The following PPP1R9A variants were observed in gnomAD, a reference collection of about 807,000 sequenced individuals.
PPP1R9A encodes the protein neurabin-1.
A neutral mutation model predicts 141.9 loss-of-function variants in PPP1R9A; 59 were observed. The ratio of observed to expected loss-of-function variants is 0.42; its 90% confidence interval spans 0.34 to 0.52. PPP1R9A has a LOEUF of 0.52. Among genes scored for constraint, PPP1R9A ranks in the 20% least tolerant of loss-of-function variants. The pLI, the probability that PPP1R9A is intolerant of heterozygous loss-of-function variation, is 0.10. For missense variants in PPP1R9A, 1,444 were observed against 1,611.9 expected, an observed-to-expected ratio of 0.90 and a Z score of 1.78; for synonymous variants, 500 against 569.7, an observed-to-expected ratio of 0.88 and a Z score of 1.74.
chr7:95,193,497 A>G (rs1374785170), intron 5 of PPP1R9A, among the ~76,000 whole-genome samples: 1 of 152,006 alleles, frequency 6.6e-6, no homozygotes, highest in Non-Finnish European at 1.5e-5. Context: ...TTAAAATGCA[A>G]CTTTCTTATG....
At chr7:95,012,064 G>A (rs1804500415) in intron 2 of PPP1R9A, among the ~76,000 whole-genome samples, 1 of 152,138 alleles carries the variant, frequency 6.6e-6, no homozygotes, top group Non-Finnish European at 1.5e-5. Flanking sequence ...GACTATAGCA[G>A]TTAATAGTTT....
At chr7:94,931,806 G>A (rs937021876) in intron 2 of PPP1R9A, among the ~76,000 whole-genome samples, 3 of 152,158 alleles carry the variant, frequency 2.0e-5, no homozygotes, top group Admixed American at 6.5e-5. Context: ...TCGAACTGCC[G>A]ACCTCAGGTC....
chr7:95,063,587 A>G (rs1357689857), intron 2 of PPP1R9A, among the ~76,000 whole-genome samples: 3 of 152,180 alleles, frequency 2.0e-5, no homozygotes, highest in African/African-American at 7.2e-5. Context: ...AATAAAATAA[A>G]GGTGCATCTT....
At chr7:95,044,349 G>A (rs1809684113) in intron 2 of PPP1R9A, among the ~76,000 whole-genome samples, 1 of 152,014 alleles carries the variant, frequency 6.6e-6, no homozygotes, top group Non-Finnish European at 1.5e-5. Context: ...TCTGCTTTAT[G>A]TAAGTAATTG....
intron 2 of PPP1R9A, among the ~76,000 whole-genome samples, chr7:95,002,556 C>T (rs993378128): frequency 2.6e-5 from 4 of 152,018 alleles, no homozygotes; most frequent in Non-Finnish European, 5.9e-5. Context: ...CGTGATGTTG[C>T]ATTTGTGAGC....
intron 2 of PPP1R9A, among the ~76,000 whole-genome samples, chr7:95,007,411 G>A (rs947288939): frequency 7.9e-5 from 12 of 152,164 alleles, no homozygotes; most frequent in African/African-American, 2.9e-4. Flanking sequence ...TTAAGATGAC[G>A]TTGCTTGAAT....
intron 16 of PPP1R9A, among the ~76,000 whole-genome samples, chr7:95,275,467 C>A (rs970240795): frequency 6.7e-6 from 1 of 150,078 alleles, no homozygotes; most frequent in African/African-American, 2.5e-5. Flanking sequence ...TGATGAAGAA[C>A]TTTACCTTCA....
chr7:95,286,702 G>C (rs1416362560), intron 18 of PPP1R9A, among the ~76,000 whole-genome samples: 1 of 152,056 alleles, frequency 6.6e-6, no homozygotes, highest in African/African-American at 2.4e-5. Context: ...CCTCTGATTA[G>C]GGTGAGGTCT....
intron 2 of PPP1R9A, among the ~76,000 whole-genome samples, chr7:94,934,516 G>C (rs1466840714): frequency 6.6e-6 from 1 of 150,830 alleles, no homozygotes; most frequent in African/African-American, 2.4e-5. Flanking sequence ...TTGTCAAAAA[G>C]ATCTGGCCTT....
At chr7:95,049,567 G>T (rs934435877) in intron 2 of PPP1R9A, among the ~76,000 whole-genome samples, 4 of 152,022 alleles carry the variant, frequency 2.6e-5, no homozygotes, top group Non-Finnish European at 5.9e-5. Context: ...GTTTACATTG[G>T]GGTTCACTGT....
At chr7:95,113,340 T>C (rs1053224229) in intron 3 of PPP1R9A, among the ~76,000 whole-genome samples, 1 of 152,044 alleles carries the variant, frequency 6.6e-6, no homozygotes, top group African/African-American at 2.4e-5. Flanking sequence ...GACAGACTAA[T>C]AATAATCATA....
intron 4 of PPP1R9A, among the ~76,000 whole-genome samples, chr7:95,126,892 G>A (rs1363023867): frequency 1.3e-5 from 2 of 152,088 alleles, no homozygotes; most frequent in African/African-American, 4.8e-5. Context: ...TACTCTGCTG[G>A]CTCATGTTCT....
intron 12 of PPP1R9A, among the ~76,000 whole-genome samples, chr7:95,267,315 T>A (rs1288146506): frequency 6.6e-6 from 1 of 152,126 alleles, no homozygotes; most frequent in Non-Finnish European, 1.5e-5. Context: ...AGTACATAAT[T>A]TTCTGCAACT....
Position 95,111,310 on chromosome 7 carries a change from G to C in PPP1R9A, c.1447G>C (p.Asp483His). The C allele has an allele frequency of 6.2e-7, 1 of 1,612,674 alleles. No individual in the cohort carries two copies. Among genetic ancestry groups the C allele is most frequent in the Non-Finnish European group, 8.5e-7 (1 of 1,179,106 alleles). Residue 483 changes from aspartate to histidine, a missense_variant, in exon 3 of 20, where the codon GAC (aspartate) becomes CAC (histidine). Around this residue, in one of 5 missense-constraint regions of PPP1R9A, gnomAD observed 488 missense variants for 542.0 expected, o/e 0.90. Transcript: ENST00000433360. ...EDYDRRNDEV[D>H]PVAASAEYEL... Reference sequence around the variant, plus strand: ...CTATGACAGGAGAAATGACGAAGTTGACCCTGTGGCTGCTTCAGCTGAGTA... The same window carrying C: ...CTATGACAGGAGAAATGACGAAGTTCACCCTGTGGCTGCTTCAGCTGAGTA...
intron 7 of PPP1R9A, among the ~76,000 whole-genome samples, chr7:95,224,963 C>T (rs1184357223): frequency 3.9e-5 from 6 of 151,964 alleles, no homozygotes; most frequent in African/African-American, 1.4e-4. Context: ...AGTGATTTAT[C>T]TTTAAATTAT....
chr7:95,290,286 GGT>G lies in PPP1R9A; in HGVS notation c.4110_4111del (p.Ala1371TrpfsTer2), dbSNP rs756594462. ...TEKMTSTTAE[G>X]AGEQ ...AAAGATGACGTCAACTACAGCCGAG[GGT>G]GCTGGTGAGCAGTAACACATACCCT... On this transcript the variant is annotated frameshift_variant, in exon 20 of 20. Transcript: ENST00000433360. LOFTEE classifies it high-confidence loss of function. 1.2e-6 allele frequency: 2 copies of G among 1,610,868 alleles called. No homozygotes were observed. The highest frequency in any genetic ancestry group is 2.2e-5 in the South Asian group (2 of 90,406).
At chr7:95,238,239 A>G (rs911456291) in intron 8 of PPP1R9A, among the ~76,000 whole-genome samples, 6 of 152,074 alleles carry the variant, frequency 3.9e-5, no homozygotes, top group African/African-American at 9.7e-5. Context: ...TTTCTGTCCA[A>G]CTGTAATGGG....
At chr7:95,249,924 G>T in intron 9 of PPP1R9A, 102 bp from the exon 10 acceptor site, 1 of 1,421,580 alleles carries the variant, frequency 7.0e-7, no homozygotes, top group South Asian at 1.6e-5. Context: ...TTCAGTGATT[G>T]TTTATGATAA....
chr7:95,180,519 A>G (rs1833582196), intron 5 of PPP1R9A, among the ~76,000 whole-genome samples: 1 of 152,188 alleles, frequency 6.6e-6, no homozygotes, highest in African/African-American at 2.4e-5. Context: ...AAACGAAGAT[A>G]AATAGCTGTG....
Sources: allele counts gnomAD v4.1 joint callset (sites outside exome capture counted in the v4.1 genomes callset), GRCh38; gene constraint gnomAD v4.1.1; regional missense constraint gnomAD v4.1.1; transcripts MANE v1.5; gene names NCBI Gene and HGNC (gene_info 2026-07-23, HGNC 2026-07-21).